Variants in ZNF438 observed in about 807,000 individuals in gnomAD.
ZNF438 encodes the protein zinc finger protein 438.
ZNF438 carries 25 observed loss-of-function variants against 38.0 expected under a neutral mutation model. The ratio of observed to expected loss-of-function variants is 0.66; its 90% CI spans 0.48 to 0.92. The LOEUF (loss-of-function observed/expected upper bound fraction) is 0.92. ZNF438 is among the 40% of genes least tolerant of loss of function. The pLI, the probability that ZNF438 is intolerant of heterozygous loss-of-function variation, is 0.00. For missense variants in ZNF438, 1,007 were observed against 999.6 expected (o/e 1.01, Z -0.10); for synonymous variants, 372 against 364.1 (o/e 1.02, Z -0.25).
intron 1 of ZNF438, among the ~76,000 whole-genome samples, chr10:30,983,966 T>C (rs1246662137): frequency 1.3e-5 from 2 of 152,346 alleles, no homozygotes; most frequent in East Asian, 1.9e-4. Context: ...TAATTTCTAA[T>C]TGATTACTAT....
chr10:30,846,715 G>A (rs2994658), intron 5 of ZNF438, among the ~76,000 whole-genome samples: 19,131 of 152,160 alleles, frequency 0.13, 1,599 homozygotes, highest in Middle Eastern at 0.25. Context: ...AGGCAGGAGC[G>A]CTCCTGCCCT....
chr10:30,848,722 GTTCTCACCATGATGAAGT>G, exon 5 of ZNF438: 1 of 1,614,210 alleles, frequency 6.2e-7, no homozygotes, highest in Non-Finnish European at 8.5e-7. Flanking sequence ...TCTTCAGACG[GTTCTCACCATGATGAAGT>G]TTCATGTGTG....
chr10:30,939,104 C>T (rs1263367749), intron 2 of ZNF438, among the ~76,000 whole-genome samples: 1 of 152,060 alleles, frequency 6.6e-6, no homozygotes, highest in Non-Finnish European at 1.5e-5. Flanking sequence ...TGAAGGCAAA[C>T]TATAACATCT....
At chr10:30,873,007 T>C (rs1484496792) in intron 4 of ZNF438, among the ~76,000 whole-genome samples, 5 of 152,180 alleles carry the variant, frequency 3.3e-5, no homozygotes, top group Admixed American at 3.3e-4. Flanking sequence ...TGTATGAGTT[T>C]TCTTATATGG....
exon 6 of ZNF438, chr10:30,844,953 T>A (rs756810069): frequency 2.5e-6 from 4 of 1,611,754 alleles, no homozygotes; most frequent in Non-Finnish European, 3.4e-6. Context: ...CCAGGCTGCC[T>A]TGGGGTCTCA....
intron 2 of ZNF438, among the ~76,000 whole-genome samples, chr10:30,933,080 T>C (rs2045870210): frequency 6.6e-6 from 1 of 152,236 alleles, no homozygotes; most frequent in South Asian, 2.1e-4. Flanking sequence ...CAGTTTGTAG[T>C]ACTTGCTTAT....
In ZNF438 at chr10:30,973,942, C is replaced by A. The variant is rs148950149; in HGVS notation, c.-191-32291G>T. Among the ~76,000 whole-genome samples the A allele has an allele frequency of 2.8e-3, 426 of 152,340 alleles. 3 individuals are homozygous for A. The highest frequency in any genetic ancestry group is 9.5e-3 in the African/African-American group (396 of 41,576). The stretch of plus-strand genomic sequence containing the variant: ...ACTTACAACAGATAGCCAGCTAGGG[C>A]AGCATCGTGTTACTGCCCTTGTGAA... On this transcript the variant is annotated intron_variant, in intron 1 of 5. Coordinates refer to ENST00000413025, the Ensembl canonical transcript of ZNF438.
rs186981023 is a variant in ZNF438, at chr10:30,968,005, A to G, written c.-191-26354T>C. Among the ~76,000 whole-genome samples, 580 of 152,238 alleles carry G rather than the reference A, an allele frequency of 3.8e-3. 4 individuals are homozygous for G. Among genetic ancestry groups the G allele is most frequent in the African/African-American group, 0.013 (538 of 41,556 alleles). On this transcript the variant is annotated intron_variant, in intron 1 of 5. Transcript: ENST00000413025. ...GCAGAGAGGGATGGAGAAAAAGGGG[A>G]AAAAAAGACATTTTATATATATATA...
At chr10:30,858,346 C>G (rs1190466581) in intron 4 of ZNF438, among the ~76,000 whole-genome samples, 1 of 152,204 alleles carries the variant, frequency 6.6e-6, no homozygotes, top group African/African-American at 2.4e-5. Flanking sequence ...AAGATGGTCT[C>G]TAGTTAAAAT....
chr10:30,944,690 T>G (rs2047182192), intron 1 of ZNF438, among the ~76,000 whole-genome samples: 1 of 152,122 alleles, frequency 6.6e-6, no homozygotes, highest in African/African-American at 2.4e-5. Flanking sequence ...TTTGAGTCAT[T>G]TTTATGCTGT....
intron 4 of ZNF438, among the ~76,000 whole-genome samples, chr10:30,876,681 C>T (rs10763847): frequency 0.59 from 88,987 of 151,870 alleles, 26,326 homozygotes; most frequent in African/African-American, 0.62. Context: ...ATAAAGCCAA[C>T]ACTTTTTAAT....
At chr10:30,864,881 T>C (rs2036170734) in intron 4 of ZNF438, among the ~76,000 whole-genome samples, 1 of 152,188 alleles carries the variant, frequency 6.6e-6, no homozygotes, top group Non-Finnish European at 1.5e-5. Flanking sequence ...CAGTCAGAAG[T>C]TAGACTGAAT....
At chr10:31,030,210 T>C (rs1031187085) in intron 1 of ZNF438, among the ~76,000 whole-genome samples, 4 of 152,234 alleles carry the variant, frequency 2.6e-5, no homozygotes, top group Admixed American at 6.5e-5. Context: ...TGCCTTTGAA[T>C]GGCTTTTCCT....
chr10:30,997,853 G>C (rs1286426479), intron 1 of ZNF438, among the ~76,000 whole-genome samples: 1 of 152,164 alleles, frequency 6.6e-6, no homozygotes, highest in Non-Finnish European at 1.5e-5. Context: ...TTGAGATGAG[G>C]AGGGGAAAAG....
At chr10:30,993,368 C>T (rs1214207446) in intron 1 of ZNF438, among the ~76,000 whole-genome samples, 1 of 152,216 alleles carries the variant, frequency 6.6e-6, no homozygotes, top group Admixed American at 6.5e-5. Context: ...CAGGACTCTG[C>T]TCCCTGCACC....
At chr10:30,911,134 C>T (rs1432411994) in intron 2 of ZNF438, among the ~76,000 whole-genome samples, 2 of 152,048 alleles carry the variant, frequency 1.3e-5, no homozygotes, top group African/African-American at 4.8e-5. Context: ...CAAATGAGAA[C>T]ATCTATTTAG....
At chr10:30,959,651 G>A (rs1379569048) in intron 1 of ZNF438, among the ~76,000 whole-genome samples, 2 of 145,558 alleles carry the variant, frequency 1.4e-5, no homozygotes, top group Non-Finnish European at 3.1e-5. Context: ...AGGAGGCTGA[G>A]GCAGGAGAAT....
chr10:30,911,773 T>C (rs571501595), intron 2 of ZNF438, among the ~76,000 whole-genome samples: 1 of 152,260 alleles, frequency 6.6e-6, no homozygotes, highest in African/African-American at 2.4e-5. Flanking sequence ...CTAGATCATT[T>C]CACCTTCATT....
At chr10:30,854,849 A>C (rs1171497513) in intron 4 of ZNF438, among the ~76,000 whole-genome samples, 2 of 152,194 alleles carry the variant, frequency 1.3e-5, no homozygotes, top group Admixed American at 1.3e-4. Context: ...GAGGCAGAGC[A>C]TGGTAATGTC....
Sources: allele counts gnomAD v4.1 joint callset (sites outside exome capture counted in the v4.1 genomes callset), GRCh38; gene constraint gnomAD v4.1.1; transcripts MANE v1.5; gene names NCBI Gene and HGNC (gene_info 2026-07-23, HGNC 2026-07-21).